Variants in PAX2 observed in about 807,000 individuals in gnomAD.
The protein encoded by PAX2 is paired box protein Pax-2.
PAX2 carries 9 observed loss-of-function variants against 41.7 expected under a neutral mutation model. The observed-to-expected ratio is 0.22, with a 90% CI of 0.13 to 0.38. The LOEUF (loss-of-function observed/expected upper bound fraction) is 0.38, where lower values mean the gene tolerates loss of function less well. Among genes scored for constraint, PAX2 ranks in the 10% least tolerant of loss-of-function variants. The pLI is 1.00. For synonymous variants in PAX2, 221 were observed against 212.7 expected (o/e 1.04, Z -0.34); for missense variants, 418 against 531.6 (o/e 0.79, Z 2.10).
At chr10:100,775,131 G>A (rs906128910) in intron 3 of PAX2, among the ~76,000 whole-genome samples, 2 of 152,182 alleles carry the variant, frequency 1.3e-5, no homozygotes, top group East Asian at 1.9e-4. Flanking sequence ...CACCCTCCAG[G>A]GATCTATATC....
At chr10:100,766,527 C>G (rs1345457569) in intron 3 of PAX2, among the ~76,000 whole-genome samples, 10 of 152,214 alleles carry the variant, frequency 6.6e-5, no homozygotes, top group Non-Finnish European at 1.3e-4. Context: ...GGGATCTAGA[C>G]TCTCAATTGG....
intron 7 of PAX2, among the ~76,000 whole-genome samples, chr10:100,818,080 A>G (rs1028697080): frequency 2.0e-5 from 3 of 152,202 alleles, no homozygotes; most frequent in Non-Finnish European, 2.9e-5. Flanking sequence ...TAATGTCTTC[A>G]TTTTCGCTAC....
chr10:100,795,758 G>A (rs1201505037), intron 5 of PAX2, among the ~76,000 whole-genome samples: 2 of 152,182 alleles, frequency 1.3e-5, no homozygotes, highest in Non-Finnish European at 1.5e-5. Flanking sequence ...AGCAGTTTTA[G>A]GGTCCTGTGT....
At chr10:100,743,828 C>T (rs1845048392), upstream of PAX2, among the ~76,000 whole-genome samples, 1 of 152,222 alleles carries the variant, frequency 6.6e-6, no homozygotes, top group African/African-American at 2.4e-5. Context: ...TCTTCAACCT[C>T]TAGCCCAAGG....
intron 3 of PAX2, among the ~76,000 whole-genome samples, chr10:100,766,334 G>A (rs1434389912): frequency 6.6e-6 from 1 of 152,238 alleles, no homozygotes; most frequent in East Asian, 1.9e-4. Context: ...CTTCCATGGT[G>A]TGTGTTCCTC....
At chr10:100,775,559 A>T (rs1846357409) in intron 3 of PAX2, among the ~76,000 whole-genome samples, 1 of 152,102 alleles carries the variant, frequency 6.6e-6, no homozygotes, top group Admixed American at 6.5e-5. Flanking sequence ...ATTTTCCATC[A>T]CTCGCTGCCT....
chr10:100,767,851 C>A (rs1772428030), intron 3 of PAX2, among the ~76,000 whole-genome samples: 5 of 151,940 alleles, frequency 3.3e-5, no homozygotes, highest in Admixed American at 1.3e-4. Context: ...AGGTGGGAAG[C>A]AAAGGTATTT....
At chr10:100,756,569 GT>G (rs1163143934) in intron 3 of PAX2, among the ~76,000 whole-genome samples, 1 of 152,272 alleles carries the variant, frequency 6.6e-6, no homozygotes, top group East Asian at 1.9e-4. Context: ...AACTGTAAAT[GT>G]TTTGAGCATG....
At chr10:100,756,486 C>A (rs928773691) in intron 3 of PAX2, among the ~76,000 whole-genome samples, 2 of 152,190 alleles carry the variant, frequency 1.3e-5, no homozygotes, top group African/African-American at 4.8e-5. Flanking sequence ...ACTTTCAATA[C>A]AGTATTCAAT....
chr10:100,793,207 G>T (rs1847195423), intron 5 of PAX2, among the ~76,000 whole-genome samples: 2 of 152,182 alleles, frequency 1.3e-5, no homozygotes, highest in Non-Finnish European at 2.9e-5. Context: ...AAAGGGCTAG[G>T]GTCCCAGGAG....
At position 100,829,354 on chromosome 10, in the gene PAX2, T is replaced by C; in HGVS notation, c.*1735T>C. The C allele has an allele frequency of 4.7e-6, 1 of 214,558 alleles. No homozygotes were observed. Among genetic ancestry groups the C allele is most frequent in the Non-Finnish European group, 9.4e-6 (1 of 106,122 alleles). 13.3% of individuals were successfully genotyped at this position (214,558 alleles called of 1,614,324 possible). On this transcript the variant is annotated 3_prime_UTR_variant, in exon 10 of 10. Coordinates refer to ENST00000355243, the MANE Select transcript of PAX2 (RefSeq NM_000278.5). ...CTCCCCAGACCTGGCCCGGCCGCCC[T>C]GTCTCCGCAGGCTAGATCCGAGGTG...
In PAX2 at chr10:100,789,295, A is replaced by G. The variant is rs144482956; in HGVS notation, c.616+7930A>G. Among the ~76,000 whole-genome samples, 773 of 152,218 alleles carry G rather than the reference A, an allele frequency of 5.1e-3. 11 individuals are homozygous for G. The highest frequency in any genetic ancestry group is 0.018 in the African/African-American group (740 of 41,536). The stretch of plus-strand genomic sequence containing the variant: ...TGATTTTTGTATTCTTAGTAGAGAC[A>G]GGGTTTCACCATGTTGGCCAGGCTG... On this transcript the variant is annotated intron_variant, in intron 5 of 9. Transcript: ENST00000355243.
At chr10:100,775,156 C>T (rs1846341295) in intron 3 of PAX2, among the ~76,000 whole-genome samples, 1 of 152,210 alleles carries the variant, frequency 6.6e-6, no homozygotes, top group Non-Finnish European at 1.5e-5. Context: ...ACTTGACCTT[C>T]CAGGTCAAAC....
At chr10:100,803,769 G>A (rs936263426) in intron 5 of PAX2, among the ~76,000 whole-genome samples, 3 of 151,210 alleles carry the variant, frequency 2.0e-5, no homozygotes, top group African/African-American at 4.9e-5. Context: ...CTGCTTCCCC[G>A]CCTCCCACTG....
intron 3 of PAX2, among the ~76,000 whole-genome samples, chr10:100,776,664 C>T (rs1028132395): frequency 5.3e-5 from 8 of 152,124 alleles, no homozygotes; most frequent in Admixed American, 1.3e-4. Context: ...TGCCCCTGGA[C>T]GCTCCTCTTT....
At chr10:100,735,605 T>A (rs1023269398) in exon 1 of PAX2, 15 of 953,384 alleles carry the variant, frequency 1.6e-5, no homozygotes, top group Non-Finnish European at 1.8e-5. Flanking sequence ...TGCGCCCAGA[T>A]CTCCGGGCGG....
Position 100,740,232 on chromosome 10 carries a change from C to A in PAX2, c.25+4499C>A, listed in dbSNP as rs1195119599. On this transcript the variant is annotated intron_variant, in intron 1 of 9. Transcript: ENST00000679374. ...TTGGCGGACTGGCTGAAGAGGACCG[C>A]GCCTGAGGCCACAATTAACCCGGCT... Among the ~76,000 whole-genome samples, 3 of 152,122 alleles carry A rather than the reference C, an allele frequency of 2.0e-5. No individual in the cohort carries two copies. In the East Asian group the frequency reaches 5.8e-4, roughly 29 times the overall value.
upstream of PAX2, among the ~76,000 whole-genome samples, chr10:100,743,409 T>C (rs1015296583): frequency 6.9e-6 from 1 of 143,958 alleles, no homozygotes; most frequent in African/African-American, 2.7e-5. Flanking sequence ...TCTAGAAAAA[T>C]CTGTGTCTGT....
At chr10:100,811,724 G>C (rs915202945) in intron 7 of PAX2, among the ~76,000 whole-genome samples, 14 of 152,352 alleles carry the variant, frequency 9.2e-5, no homozygotes, top group Admixed American at 5.9e-4. Context: ...TAGGTGGGTA[G>C]GTGATTCTGG....
Sources: gnomAD v4.1 joint callset for allele counts (sites outside exome capture counted in the v4.1 genomes callset) on GRCh38, gnomAD v4.1.1 for gene constraint, MANE v1.5 for transcripts, NCBI Gene and HGNC (gene_info 2026-07-23, HGNC 2026-07-21) for gene names.